The following MACF1 variants were observed in gnomAD, a reference collection of about 807,000 sequenced individuals.
MACF1 encodes microtubule-actin cross-linking factor 1.
Under a neutral mutation model 854.8 loss-of-function variants are expected in MACF1, and 193 were observed. The ratio of observed to expected loss-of-function variants is 0.23; its 90% CI spans 0.20 to 0.25. MACF1 has a LOEUF of 0.25. Among genes scored for constraint, MACF1 ranks in the 10% least tolerant of loss-of-function variants. The pLI is 1.00. For missense variants in MACF1, 7,722 were observed against 8,929.1 expected, an observed-to-expected ratio of 0.86 and a Z score of 5.45; for synonymous variants, 3,185 against 3,226.7, an observed-to-expected ratio of 0.99 and a Z score of 0.44.
chr1:39,315,462 C>T (rs768885677), intron 26 of MACF1, 51 bp from the exon 27 acceptor site: 19 of 1,567,058 alleles, frequency 1.2e-5, no homozygotes, highest in Admixed American at 1.0e-4. Flanking sequence ...TTCTTTCTAC[C>T]TTTTTTGTTC....
intron 2 of MACF1, among the ~76,000 whole-genome samples, chr1:39,187,196 T>G (rs189931484): frequency 6.6e-6 from 1 of 152,296 alleles, no homozygotes; most frequent in Admixed American, 6.5e-5. Flanking sequence ...TATACTATGA[T>G]TACATTTCCT....
chr1:39,331,968 C>G lies in MACF1; in HGVS notation c.5380C>G (p.Leu1794Val). The change falls in exon 37 of 101, where the codon CTG becomes GTG. Residue 1794 changes from leucine (L) to valine (V), a missense_variant. Physicochemically the swap from Leu to Val is conservative, Grantham distance 32. Transcript: ENST00000564288. ...LTVEEAVRHN[L>V]IDQDMACAIL... ...AGTGGAAGAGGCTGTAAGACATAAT[C>G]TGATTGACCAAGATATGGCCTGTGC... is the stretch of plus-strand genomic sequence containing the variant. The G allele has an allele frequency of 3.1e-6, 5 of 1,614,068 alleles. No individual in the cohort carries two copies. The highest frequency in any genetic ancestry group is 4.2e-6 in the Non-Finnish European group (5 of 1,179,988).
At chr1:39,217,752 CTA>C (rs1272536513) in intron 1 of MACF1, among the ~76,000 whole-genome samples, 1 of 151,610 alleles carries the variant, frequency 6.6e-6, no homozygotes, top group Non-Finnish European at 1.5e-5. Context: ...TGGCGTGCGC[CTA>C]TAGTCCCAGC....
intron 19 of MACF1, 33 bp downstream of exon 19, chr1:39,295,183 G>T: frequency 6.5e-7 from 1 of 1,533,456 alleles, no homozygotes; most frequent in African/African-American, 1.4e-5. Flanking sequence ...AAGGTCAAAT[G>T]CTGAGAGGTT....
At chr1:39,351,158 T>C (rs1431674841) in intron 43 of MACF1, 140 bp downstream of exon 43, 1 of 619,698 alleles carries the variant, frequency 1.6e-6, no homozygotes, top group Non-Finnish European at 2.7e-6. Flanking sequence ...CTAGTCTGGT[T>C]TTTGTTTTTT....
At chr1:39,094,316 C>T (rs1296920411) in intron 2 of MACF1, among the ~76,000 whole-genome samples, 1 of 151,692 alleles carries the variant, frequency 6.6e-6, no homozygotes, top group Non-Finnish European at 1.5e-5. Flanking sequence ...GCAGGAGAAT[C>T]GCTTGAACGC....
intron 43 of MACF1, among the ~76,000 whole-genome samples, chr1:39,352,795 C>T (rs1410870305): frequency 6.7e-6 from 1 of 150,114 alleles, no homozygotes; most frequent in Non-Finnish European, 1.5e-5. Context: ...TTTTTTAAAG[C>T]AGTAAGATAT....
At position 39,484,591 on chromosome 1, in the gene MACF1, T is replaced by C; in HGVS notation, c.22282-10T>C. The C allele has an allele frequency of 6.2e-7, 1 of 1,602,236 alleles. No individual in the cohort carries two copies. The highest frequency in any genetic ancestry group is 1.1e-5 in the South Asian group (1 of 88,780). The stretch of plus-strand genomic sequence containing the variant: ...AAGTAAAATGTGACCTTTTTATTAT[T>C]TTTTTTAAGGTTATCCCATCATCAG... On this transcript the variant is annotated splice_polypyrimidine_tract_variant and intron_variant, in intron 99 of 100. Coordinates refer to ENST00000564288, the MANE Select transcript of MACF1 (RefSeq NM_001394062.1).
At chr1:39,107,456 G>A (rs1642274045) in intron 2 of MACF1, among the ~76,000 whole-genome samples, 1 of 151,832 alleles carries the variant, frequency 6.6e-6, no homozygotes, top group Non-Finnish European at 1.5e-5. Context: ...AAAAATGGTT[G>A]CCCAAAGTAA....
In MACF1 at chr1:39,352,255, A is replaced by T. The variant is rs111312727; in HGVS notation, c.11200-752A>T. Among the ~76,000 whole-genome samples the T allele has an allele frequency of 3.5e-4, 54 of 152,368 alleles. 1 individual carries two copies. The highest frequency in any genetic ancestry group is 2.5e-4 in the Non-Finnish European group (17 of 68,026). On this transcript the variant is annotated intron_variant, in intron 43 of 100. Transcript: ENST00000564288. ...GTAGAGCCAGTAAATATAATTTCAGAGGCAAGTTGAAGAATTAAATGTTTC... is the reference window on the plus strand; with the variant it reads ...GTAGAGCCAGTAAATATAATTTCAGTGGCAAGTTGAAGAATTAAATGTTTC...
chr1:39,402,543 G>A (rs778461861), intron 58 of MACF1, among the ~76,000 whole-genome samples: 3 of 152,132 alleles, frequency 2.0e-5, no homozygotes, highest in Non-Finnish European at 4.4e-5. Flanking sequence ...GAGAGGAAGA[G>A]GAATCCAAGG....
chr1:39,477,073 A>ACACACACATATATACATTTAGTG (rs1481277864), intron 97 of MACF1, among the ~76,000 whole-genome samples: 1 of 37,866 alleles, frequency 2.6e-5, no homozygotes, highest in Non-Finnish European at 4.2e-5. Context: ...ATATATATAT[A>ACACACACATATATACATTTAGTG]TATATATATA....
intron 58 of MACF1, among the ~76,000 whole-genome samples, chr1:39,404,145 G>A (rs376739364): frequency 3.0e-5 from 4 of 133,138 alleles, no homozygotes; most frequent in East Asian, 4.1e-4. Flanking sequence ...AAATAAATAA[G>A]TAAGTAAATA....
Position 39,334,363 on chromosome 1 carries a change from G to A in MACF1, c.7775G>A (p.Arg2592Lys). The A allele has an allele frequency of 6.2e-7, 1 of 1,614,066 alleles. No homozygotes were observed. Residue 2592 changes from arginine to lysine, a missense_variant, in exon 37 of 101, where the codon AGA (arginine) becomes AAA (lysine). Physicochemically the swap from Arg to Lys is conservative, Grantham distance 26 (BLOSUM62 2). Transcript: ENST00000564288. The stretch of plus-strand genomic sequence containing the variant: ...TTTGTGGATCTCATTTCTGGTCAGA[G>A]ATTGACCTTGGCAGAAGCTAAAAAA... Reference protein sequence around the residue: ...GNFVDLISGQRLTLAEAKKEG... With the variant: ...GNFVDLISGQKLTLAEAKKEG...
chr1:39,418,096 T>C (rs755245031), intron 58 of MACF1, among the ~76,000 whole-genome samples: 53 of 152,292 alleles, frequency 3.5e-4, no homozygotes, highest in Middle Eastern at 3.4e-3. Context: ...ATAGGGTGGA[T>C]TGAAGATATA....
intron 28 of MACF1, among the ~76,000 whole-genome samples, chr1:39,316,981 A>C (rs1203672564): frequency 6.6e-6 from 1 of 152,252 alleles, no homozygotes; most frequent in Admixed American, 6.5e-5. Context: ...GGTTTCAAAC[A>C]CAAGTTCTAT....
chr1:39,367,164 C>G (rs907196663), intron 49 of MACF1, among the ~76,000 whole-genome samples: 3 of 151,988 alleles, frequency 2.0e-5, no homozygotes, highest in African/African-American at 7.3e-5. Context: ...CCAGCCTGAT[C>G]ATGAACTCCT....
chr1:39,100,790 G>A (rs1438493183), intron 2 of MACF1, among the ~76,000 whole-genome samples: 1 of 152,016 alleles, frequency 6.6e-6, no homozygotes, highest in Non-Finnish European at 1.5e-5. Flanking sequence ...GGAGGTGGAG[G>A]TTGCAGTGAG....
chr1:39,139,278 T>A (rs965751029), intron 2 of MACF1, among the ~76,000 whole-genome samples: 7 of 151,990 alleles, frequency 4.6e-5, no homozygotes, highest in Non-Finnish European at 7.4e-5. Flanking sequence ...TTACCTTTTT[T>A]AAAATGTTAT....
Sources: allele counts gnomAD v4.1 joint callset (sites outside exome capture counted in the v4.1 genomes callset), GRCh38; gene constraint gnomAD v4.1.1; transcripts MANE v1.5; gene names NCBI Gene and HGNC (gene_info 2026-07-23, HGNC 2026-07-21).